The following SBF2 variants were observed in gnomAD, a reference collection of about 807,000 sequenced individuals.
SBF2 encodes the protein myotubularin-related protein 13.
SBF2 carries 112 observed loss-of-function variants against 225.2 expected under a neutral mutation model. The ratio of observed to expected loss-of-function variants is 0.50; its 90% CI spans 0.43 to 0.58. The LOEUF is 0.58. SBF2 is among the 20% of genes least tolerant of loss of function. SBF2 has a pLI of 0.00. For synonymous variants in SBF2, 763 were observed against 773.3 expected (o/e 0.99, Z 0.22); for missense variants, 1,996 against 2,206.2 (o/e 0.90, Z 1.91).
Position 9,853,549 on chromosome 11 carries a change from T to C in SBF2, c.2527A>G (p.Met843Val), listed in dbSNP as rs1228700161. The C allele has an allele frequency of 3.7e-6, 6 of 1,613,690 alleles. No homozygotes were observed. The highest frequency in any genetic ancestry group is 1.3e-5 in the African/African-American group (1 of 75,046). Residue 843 changes from methionine to valine, a missense_variant, in exon 20 of 40, where the codon ATG becomes GTG. Physicochemically the swap from Met to Val is conservative, Grantham distance 21 (BLOSUM62 1). Transcript: ENST00000256190. ...TQDHIKSLHC[M>V]IPGIVAMHIE... ...TCTGCAGAGTGATTACCTGGTATCA[T>C]GCAATGAAGGCTCTTGATGTGATCC...
intron 2 of SBF2, among the ~76,000 whole-genome samples, chr11:10,143,166 G>T (rs949178777): frequency 6.6e-6 from 1 of 151,848 alleles, no homozygotes; most frequent in Non-Finnish European, 1.5e-5. Flanking sequence ...GTAGGCTCTA[G>T]TCAATTATGA....
chr11:10,196,403 A>G (rs887922941), intron 1 of SBF2, among the ~76,000 whole-genome samples: 3 of 152,144 alleles, frequency 2.0e-5, no homozygotes, highest in Admixed American at 1.3e-4. Context: ...TTTTTTGGAC[A>G]GGGTCTCACT....
At chr11:9,800,373 A>G (rs1280107106) in intron 32 of SBF2, among the ~76,000 whole-genome samples, 1 of 152,088 alleles carries the variant, frequency 6.6e-6, no homozygotes, top group Non-Finnish European at 1.5e-5. Context: ...TTTGCTTAAC[A>G]GGGATTTTTA....
At chr11:10,033,698 A>G (rs979845149) in intron 3 of SBF2, among the ~76,000 whole-genome samples, 2 of 151,500 alleles carry the variant, frequency 1.3e-5, no homozygotes, top group Non-Finnish European at 3.0e-5. Context: ...ACAACAAATA[A>G]ACCCCAAATT....
chr11:9,876,034 T>C (rs565375019), intron 17 of SBF2, among the ~76,000 whole-genome samples: 1 of 152,208 alleles, frequency 6.6e-6, no homozygotes, highest in Admixed American at 6.5e-5. Context: ...GTCATACAGC[T>C]AGACGGAGCA....
chr11:9,983,947 T>G (rs1947076241), intron 13 of SBF2, among the ~76,000 whole-genome samples: 1 of 152,314 alleles, frequency 6.6e-6, no homozygotes, highest in Non-Finnish European at 1.5e-5. Context: ...GTCCTAGACC[T>G]TCCCTCTGAC....
chr11:9,897,182 G>C (rs566330799), intron 16 of SBF2, among the ~76,000 whole-genome samples: 1 of 152,230 alleles, frequency 6.6e-6, no homozygotes, highest in Admixed American at 6.5e-5. Context: ...TAGATGCATA[G>C]AATATTCAGC....
chr11:10,104,577 T>C (rs1272897740), intron 2 of SBF2, among the ~76,000 whole-genome samples: 2 of 152,182 alleles, frequency 1.3e-5, no homozygotes, highest in African/African-American at 4.8e-5. Flanking sequence ...GAGCTGGTAC[T>C]GTGCTAAGAG....
At chr11:9,809,224 G>A (rs1387549746) in intron 30 of SBF2, 12 of 465,958 alleles carry the variant, frequency 2.6e-5, no homozygotes, top group African/African-American at 4.0e-5. Flanking sequence ...CCAGCACTTT[G>A]GGAGGCCGAG....
chr11:9,995,590 T>G (rs575755001), intron 9 of SBF2, among the ~76,000 whole-genome samples: 1 of 152,288 alleles, frequency 6.6e-6, no homozygotes. Context: ...TCCATGAAAT[T>G]TAGTCTCTTT....
At position 9,779,436 on chromosome 11, in the gene SBF2, TAAAG is replaced by T. The variant is rs1210472815; in HGVS notation, c.*978_*981del. 6.6e-6 allele frequency: 1 copy of T among 152,580 alleles called. No individual in the cohort carries two copies. The highest frequency in any genetic ancestry group is 1.5e-5 in the Non-Finnish European group (1 of 68,022). The allele number at this position is 152,580 out of a possible 1,614,324, so 9.5% of individuals were successfully genotyped here. ...GCTAAACAATCACAAGTTATCAAAG[TAAAG>T]AAAATCTAAAGACAGTTCTTACTTT... On this transcript the variant is annotated 3_prime_UTR_variant, in exon 40 of 40. Coordinates refer to ENST00000256190, the MANE Select transcript of SBF2 (RefSeq NM_030962.4).
intron 16 of SBF2, among the ~76,000 whole-genome samples, chr11:9,951,906 A>C (rs2134327214): frequency 6.6e-6 from 1 of 152,390 alleles, no homozygotes; most frequent in East Asian, 1.9e-4. Flanking sequence ...TAAATCAAAG[A>C]ATGACAGAAG....
chr11:10,269,030 C>A (rs1283845459), intron 1 of SBF2, among the ~76,000 whole-genome samples: 1 of 152,136 alleles, frequency 6.6e-6, no homozygotes, highest in Non-Finnish European at 1.5e-5. Context: ...TAAAATCTCC[C>A]TGAAGGAAGT....
intron 9 of SBF2, among the ~76,000 whole-genome samples, chr11:9,994,336 G>C (rs540962647): frequency 1.3e-5 from 2 of 151,718 alleles, no homozygotes; most frequent in Non-Finnish European, 2.9e-5. Flanking sequence ...TTAGCCGGGC[G>C]TGGTGGTGGG....
chr11:10,083,299 G>C (rs776170594), intron 2 of SBF2, among the ~76,000 whole-genome samples: 1 of 152,130 alleles, frequency 6.6e-6, no homozygotes, highest in Non-Finnish European at 1.5e-5. Flanking sequence ...TTAAAACAAT[G>C]ATGCTGACAA....
intron 2 of SBF2, among the ~76,000 whole-genome samples, chr11:10,175,406 A>G (rs1358695921): frequency 1.3e-5 from 2 of 150,132 alleles, no homozygotes; most frequent in Non-Finnish European, 3.0e-5. Context: ...AGATCAAAAG[A>G]GACAAAGAAG....
At chr11:10,122,037 A>C (rs1425671814) in intron 2 of SBF2, among the ~76,000 whole-genome samples, 5 of 152,220 alleles carry the variant, frequency 3.3e-5, no homozygotes, top group African/African-American at 1.2e-4. Context: ...GATGCTGGCA[A>C]TTCAGATATG....
intron 16 of SBF2, among the ~76,000 whole-genome samples, chr11:9,926,965 T>C (rs1239098721): frequency 6.6e-6 from 1 of 152,126 alleles, no homozygotes; most frequent in African/African-American, 2.4e-5. Context: ...ACTGGTTCTC[T>C]GAGAAATTTA....
intron 38 of SBF2, 134 bp from the exon 39 acceptor site, chr11:9,781,772 A>AAATT: frequency 2.9e-6 from 3 of 1,017,196 alleles, no homozygotes; most frequent in East Asian, 2.5e-5. Flanking sequence ...AATACACAAA[A>AAATT]AATTAATTAA....
Sources: allele counts gnomAD v4.1 joint callset (sites outside exome capture counted in the v4.1 genomes callset), GRCh38; gene constraint gnomAD v4.1.1; transcripts MANE v1.5; gene names NCBI Gene and HGNC (gene_info 2026-07-23, HGNC 2026-07-21).